The following FASTKD5 variants were observed in gnomAD, a reference collection of about 807,000 sequenced individuals.
The protein encoded by FASTKD5 is FAST kinase domains 5, also known as non-canonical pre-mRNAs endonuclease FASTKD5, mitochondrial.
Under a neutral mutation model 44.0 loss-of-function variants are expected in FASTKD5, and 30 were observed. The ratio of observed to expected loss-of-function variants is 0.68; its 90% CI spans 0.51 to 0.93. The LOEUF (loss-of-function observed/expected upper bound fraction) is 0.93, where lower values mean the gene tolerates loss of function less well. Among genes scored for constraint, FASTKD5 ranks in the 40% least tolerant of loss-of-function variants. The pLI is 0.00. For synonymous variants in FASTKD5, 335 were observed against 342.2 expected, an observed-to-expected ratio of 0.98 and a Z score of 0.23; for missense variants, 868 against 908.2, an observed-to-expected ratio of 0.96 and a Z score of 0.57.
intron 1 of FASTKD5, among the ~76,000 whole-genome samples, chr20:3,154,651 G>T (rs2066665869): frequency 6.6e-6 from 1 of 152,110 alleles, no homozygotes; most frequent in African/African-American, 2.4e-5. Context: ...CTATGGCAGG[G>T]TGACAGAGAG....
In FASTKD5 at chr20:3,149,892, A is replaced by T. The variant is rs540519157; in HGVS notation, c.-190-632T>A. ...AAATTACCCAGGTGTGGCAGCACAC[A>T]CCTGTAATCCCAGCTACTCAGGAGG... On this transcript the variant is annotated intron_variant, in intron 1 of 1. Coordinates refer to ENST00000380266, the MANE Select transcript of FASTKD5 (RefSeq NM_021826.5). This position sits in a 1 kb window ranked among gnomAD's most constrained non-coding sequence, Gnocchi z 4.1. Among the ~76,000 whole-genome samples, 117 of 152,074 alleles carry T rather than the reference A, an allele frequency of 7.7e-4. No individual in the cohort carries two copies. Among genetic ancestry groups the T allele is most frequent in the African/African-American group, 2.7e-3 (114 of 41,496 alleles).
At position 3,148,853 on chromosome 20, in the gene FASTKD5, C is replaced by A. The variant is rs1486685163; in HGVS notation, c.218G>T (p.Ser73Ile). Residue 73 changes from serine (S) to isoleucine (I), a missense_variant, in exon 2 of 2, where the codon AGT (serine) becomes ATT (isoleucine). Ser to Ile is a moderately radical substitution (Grantham distance 142, BLOSUM62 -2). Transcript: ENST00000380266. ...GCTGAATTCCAAACCTGGGTGGGCA[C>A]TGCTGGTTGTCAGGATTCTCCGAGA... ...FSSRRILTTS[S>I]AHPGLEFSKT... 3.7e-6 allele frequency: 6 copies of A among 1,614,092 alleles called. No homozygotes were observed. Among genetic ancestry groups the A allele is most frequent in the Non-Finnish European group, 5.1e-6 (6 of 1,180,052 alleles).
At chr20:3,157,041 A>C (rs2066692874) in intron 1 of FASTKD5, among the ~76,000 whole-genome samples, 1 of 152,180 alleles carries the variant, frequency 6.6e-6, no homozygotes, top group Non-Finnish European at 1.5e-5. Flanking sequence ...CAGGCAGATC[A>C]CGTGAGGCCA....
chr20:3,155,095 T>C (rs1312026965), intron 1 of FASTKD5, among the ~76,000 whole-genome samples: 2 of 131,682 alleles, frequency 1.5e-5, no homozygotes, highest in Non-Finnish European at 3.3e-5. Flanking sequence ...AAAGAAAAAA[T>C]AAATATAGTG....
Position 3,149,224 on chromosome 20 carries a change from G to A in FASTKD5, c.-154C>T. The stretch of plus-strand genomic sequence containing the variant: ...ATCTTCAGCATATCACAAGAGCCAG[G>A]GATCACAAATGACTGGGTCAGAATT... On this transcript the variant is annotated 5_prime_UTR_variant, in exon 2 of 2. Coordinates refer to ENST00000380266, the MANE Select transcript of FASTKD5 (RefSeq NM_021826.5). The surrounding 1 kb of genome is among the most constrained non-coding windows in gnomAD (Gnocchi z 4.1). 1.3e-6 allele frequency: 1 copy of A among 744,092 alleles called. No homozygotes were observed. The highest frequency in any genetic ancestry group is 2.1e-6 in the Non-Finnish European group (1 of 465,450). 46.1% of individuals were successfully genotyped at this position (744,092 alleles called of 1,614,324 possible).
Position 3,147,699 on chromosome 20 carries a change from TC to T in FASTKD5, c.1371del (p.Ile458PhefsTer30). 1 of 1,614,234 alleles carries T rather than the reference TC, an allele frequency of 6.2e-7. No individual in the cohort carries two copies. Among genetic ancestry groups the T allele is most frequent in the Non-Finnish European group, 8.5e-7 (1 of 1,180,042 alleles). On this transcript the variant is annotated frameshift_variant, in exon 2 of 2. Transcript: ENST00000380266. LOFTEE classifies it high-confidence loss of function. Reference protein sequence around the residue: ...AEEFYSSLISEIHRKMPEFNQ... With the variant: ...AEEFYSSLISXIHRKMPEFNQ... The stretch of plus-strand genomic sequence containing the variant: ...TTGAATTCAGGCATCTTTCTGTGAA[TC>T]TCACTTATCAGGCTGGAGTAAAATT...
rs145622355 is a variant in FASTKD5, at chr20:3,148,756, G to A, written c.315C>T (p.Asp105=). ...TTTCAAAGGAATCAAACACTTCTAC[G>A]TCCTCTTCATCAACTCCTGTGGCCC... ...SPRATGVDEE[D]VEVFDSFENM... Residue 105 remains aspartate, a synonymous_variant, in exon 2 of 2, where the codon GAC becomes GAT. Transcript: ENST00000380266. 56 of 1,614,056 alleles carry A rather than the reference G, an allele frequency of 3.5e-5. No homozygotes were observed. The highest frequency in any genetic ancestry group is 1.5e-4 in the African/African-American group (11 of 74,912).
In FASTKD5 at chr20:3,147,684, G is replaced by A; in HGVS notation, c.1387C>T (p.Pro463Ser). 6.2e-7 allele frequency: 1 copy of A among 1,614,238 alleles called. No homozygotes were observed. The highest frequency in any genetic ancestry group is 8.5e-7 in the Non-Finnish European group (1 of 1,180,040). ...SLISEIHRKM[P>S]EFNQYPEHLP... Reference sequence around the variant, plus strand: ...TGTTCTGGGTACTGGTTGAATTCAGGCATCTTTCTGTGAATCTCACTTATC... The same window carrying A: ...TGTTCTGGGTACTGGTTGAATTCAGACATCTTTCTGTGAATCTCACTTATC... The change falls in exon 2 of 2, where the codon CCT becomes TCT. Residue 463 changes from proline (P) to serine (S), a missense_variant. By Grantham distance (74) the Pro-to-Ser change is moderately conservative. Coordinates refer to ENST00000380266, the MANE Select transcript of FASTKD5 (RefSeq NM_021826.5).
chr20:3,152,395 G>A (rs537671101), intron 1 of FASTKD5, among the ~76,000 whole-genome samples: 39 of 152,118 alleles, frequency 2.6e-4, no homozygotes, highest in Non-Finnish European at 4.1e-4. Context: ...CCAGCTACTC[G>A]GGAGGCTGAG....
At chr20:3,153,676 T>C (rs980171047) in intron 1 of FASTKD5, among the ~76,000 whole-genome samples, 9 of 152,202 alleles carry the variant, frequency 5.9e-5, no homozygotes, top group African/African-American at 2.2e-4. Context: ...GCTGGAGGGT[T>C]AGAACTAGGT....
In FASTKD5 at chr20:3,149,000, G is replaced by A. The variant is rs1568482283; in HGVS notation, c.71C>T (p.Ala24Val). 1 of 1,614,050 alleles carries A rather than the reference G, an allele frequency of 6.2e-7. No individual in the cohort carries two copies. Among genetic ancestry groups the A allele is most frequent in the African/African-American group, 1.3e-5 (1 of 75,044 alleles). Residue 24 changes from alanine to valine, a missense_variant, in exon 2 of 2, where the codon GCA (alanine) becomes GTA (valine). By Grantham distance (64) the Ala-to-Val change is moderately conservative. Coordinates refer to ENST00000380266, the MANE Select transcript of FASTKD5 (RefSeq NM_021826.5). ...RAFCSPSAFG[A>V]VRSVSYWNVS... is the part of the protein sequence containing the mutation. Reference sequence around the variant, plus strand: ...ATTCCAGTATGACACACTTCGGACTGCACCAAAGGCAGAAGGACTGCAAAA... The same window carrying A: ...ATTCCAGTATGACACACTTCGGACTACACCAAAGGCAGAAGGACTGCAAAA...
rs577619303 is a variant in FASTKD5, at chr20:3,152,756, A to C, written c.-190-3496T>G. 6.7e-4 allele frequency among the ~76,000 whole-genome samples: 101 copies of C among 151,500 alleles called. 1 individual carries two copies. The highest frequency in any genetic ancestry group is 6.3e-3 in the Admixed American group (95 of 15,160). On this transcript the variant is annotated intron_variant, in intron 1 of 1. Transcript: ENST00000380266. ...AACGCCATCTCTACTAAAAATACAA[A>C]AATTAGCTGGGCGTGGTAGTGCGCC... is the stretch of plus-strand genomic sequence containing the variant.
intron 1 of FASTKD5, among the ~76,000 whole-genome samples, chr20:3,153,997 G>A (rs1600421974): frequency 6.6e-6 from 1 of 152,140 alleles, no homozygotes; most frequent in East Asian, 1.9e-4. Flanking sequence ...CTTTAAAAAA[G>A]AACAAAGAGA....
intron 1 of FASTKD5, chr20:3,156,734 A>C (rs1166326748): frequency 2.0e-5 from 3 of 152,282 alleles, no homozygotes; most frequent in Admixed American, 6.5e-5. Flanking sequence ...GCTTCATTTT[A>C]AACTAGAGTC....
chr20:3,155,502 G>A (rs1482361039), intron 1 of FASTKD5, among the ~76,000 whole-genome samples: 2 of 152,092 alleles, frequency 1.3e-5, no homozygotes, highest in Non-Finnish European at 2.9e-5. Context: ...CTGCACTCCA[G>A]TCTGGGCAAC....
chr20:3,154,055 C>T (rs2066660009), intron 1 of FASTKD5, among the ~76,000 whole-genome samples: 1 of 152,180 alleles, frequency 6.6e-6, no homozygotes, highest in South Asian at 2.1e-4. Flanking sequence ...TCGCAGGATG[C>T]TCCAGGATCA....
Position 3,147,641 on chromosome 20 carries a change from A to G in FASTKD5, c.1430T>C (p.Leu477Pro). Residue 477 changes from leucine (L) to proline (P), a missense_variant, in exon 2 of 2, where the codon CTG becomes CCG. Leu to Pro is a moderately conservative substitution (Grantham distance 98). Coordinates refer to ENST00000380266, the MANE Select transcript of FASTKD5 (RefSeq NM_021826.5). ...QYPEHLPTCL[L>P]GLAFLEYFPV... Reference sequence around the variant, plus strand: ...AAAGTACTCCAAAAATGCCAGGCCCAGCAGGCAGGTGGGCAGGTGTTCTGG... The same window carrying G: ...AAAGTACTCCAAAAATGCCAGGCCCGGCAGGCAGGTGGGCAGGTGTTCTGG... The G allele has an allele frequency of 1.9e-6, 3 of 1,614,256 alleles. No individual in the cohort carries two copies. Among genetic ancestry groups the G allele is most frequent in the Non-Finnish European group, 2.5e-6 (3 of 1,180,050 alleles).
intron 1 of FASTKD5, among the ~76,000 whole-genome samples, chr20:3,159,121 AG>A (rs1426580564): frequency 2.6e-5 from 4 of 152,238 alleles, no homozygotes; most frequent in African/African-American, 9.6e-5. Context: ...GCACAGAAAG[AG>A]AAAGAGCAAC....
At chr20:3,154,657 G>C (rs1216732449) in intron 1 of FASTKD5, among the ~76,000 whole-genome samples, 1 of 152,108 alleles carries the variant, frequency 6.6e-6, no homozygotes, top group Non-Finnish European at 1.5e-5. Context: ...CAGGGTGACA[G>C]AGAGAGACCC....
Sources: gnomAD v4.1 joint callset for allele counts (sites outside exome capture counted in the v4.1 genomes callset) on GRCh38, gnomAD v4.1.1 for gene constraint, Gnocchi (gnomAD v3.1) non-coding constraint, MANE v1.5 for transcripts, NCBI Gene and HGNC (gene_info 2026-07-23, HGNC 2026-07-21) for gene names.